UBE2E2: variants seen among roughly 807,000 people sequenced by gnomAD.
UBE2E2 encodes ubiquitin-conjugating enzyme E2 E2.
Under a neutral mutation model 24.7 loss-of-function variants are expected in UBE2E2, and 6 were observed. The ratio of observed to expected loss-of-function variants is 0.24; its 90% CI spans 0.13 to 0.48. The LOEUF (loss-of-function observed/expected upper bound fraction) is 0.48. Among genes scored for constraint, UBE2E2 ranks in the 20% least tolerant of loss-of-function variants. The pLI is 0.99. For synonymous variants in UBE2E2, 104 were observed against 83.6 expected (o/e 1.24, Z -1.33); for missense variants, 169 against 245.0 (o/e 0.69, Z 2.07).
chr3:23,362,420 C>T (rs1009026508), intron 3 of UBE2E2, among the ~76,000 whole-genome samples: 3 of 152,206 alleles, frequency 2.0e-5, no homozygotes, highest in Admixed American at 6.5e-5. Flanking sequence ...CAGACCAACA[C>T]TGGCACCATA....
At chr3:23,483,375 C>T (rs913036938) in intron 3 of UBE2E2, among the ~76,000 whole-genome samples, 2 of 152,186 alleles carry the variant, frequency 1.3e-5, no homozygotes, top group Non-Finnish European at 2.9e-5. Context: ...CTTTGCCAGA[C>T]ACTACATTTG....
chr3:23,414,931 A>G (rs1697586653), intron 3 of UBE2E2, among the ~76,000 whole-genome samples: 1 of 152,214 alleles, frequency 6.6e-6, no homozygotes, highest in Admixed American at 6.5e-5. Context: ...TCTGTTGTTT[A>G]TAAAGTACCC....
At chr3:23,428,853 G>A (rs1217911845) in intron 3 of UBE2E2, among the ~76,000 whole-genome samples, 1 of 148,252 alleles carries the variant, frequency 6.7e-6, no homozygotes, top group Non-Finnish European at 1.5e-5. Context: ...CTTGAGCCTG[G>A]GAAATGGAGG....
chr3:23,215,891 C>G (rs1015258276), intron 2 of UBE2E2, among the ~76,000 whole-genome samples: 2 of 152,088 alleles, frequency 1.3e-5, no homozygotes, highest in Non-Finnish European at 2.9e-5. Flanking sequence ...AATATCTTCT[C>G]CTATATCAAA....
At chr3:23,400,625 C>CACACACACAT (rs1697199873) in intron 3 of UBE2E2, among the ~76,000 whole-genome samples, 1 of 151,760 alleles carries the variant, frequency 6.6e-6, no homozygotes, top group South Asian at 2.1e-4. Context: ...CACACACACA[C>CACACACACAT]ACACACACAC....
chr3:23,318,267 T>G (rs1694638644), intron 3 of UBE2E2, among the ~76,000 whole-genome samples: 1 of 152,154 alleles, frequency 6.6e-6, no homozygotes. Flanking sequence ...CAGGCTCAAG[T>G]GATTCTTCCA....
intron 3 of UBE2E2, among the ~76,000 whole-genome samples, chr3:23,281,841 T>C (rs1038025312): frequency 7.9e-5 from 12 of 152,248 alleles, no homozygotes; most frequent in African/African-American, 2.9e-4. Flanking sequence ...ATTATTGTTA[T>C]TGAAGAGGAT....
At position 23,474,814 on chromosome 3, in the gene UBE2E2, A is replaced by T. The variant is rs950909000; in HGVS notation, c.228-24794A>T. ...TGGTTTAATCCTCCTTCCTGTTTGG[A>T]CATTTTGTATGCCCCGCCCTTCTTA... On this transcript the variant is annotated intron_variant, in intron 3 of 5. Transcript: ENST00000396703. The surrounding 1 kb of genome is among the most constrained non-coding windows in gnomAD (Gnocchi z 4.0). Among the ~76,000 whole-genome samples the T allele has an allele frequency of 1.3e-5, 2 of 151,954 alleles. No individual in the cohort carries two copies. The highest frequency in any genetic ancestry group is 4.8e-5 in the African/African-American group (2 of 41,274).
In UBE2E2 at chr3:23,332,674, GGTGTGTGTGT is replaced by G. The variant is rs3086989; in HGVS notation, c.227+115398_227+115407del. 4.1e-3 allele frequency among the ~76,000 whole-genome samples: 448 copies of G among 108,118 alleles called. 6 individuals carry two copies. The highest frequency in any genetic ancestry group is 0.017 in the East Asian group (74 of 4,266). 70.9% of individuals were successfully genotyped at this position (108,118 alleles called of 152,430 possible). ...CTTTGAGCTTCCTGGCAGCCAGTGG[GGTGTGTGTGT>G]GTGTGTGTGTGTGTGTGTGTGTGTG... is the stretch of plus-strand genomic sequence containing the variant. On this transcript the variant is annotated intron_variant, in intron 3 of 5. Transcript: ENST00000396703.
At chr3:23,411,092 AT>A (rs1156659655) in intron 3 of UBE2E2, among the ~76,000 whole-genome samples, 1 of 152,234 alleles carries the variant, frequency 6.6e-6, no homozygotes, top group Non-Finnish European at 1.5e-5. Context: ...AATATTTCAC[AT>A]CACAGAACAA....
Position 23,589,634 on chromosome 3 carries a change from G to A in UBE2E2, c.509-100G>A. ...AATGGTGGTCCAGGTTAGAACAGCA[G>A]CTTCTCATCTCCTACCCTCCCACTC... On this transcript the variant is annotated intron_variant, in intron 5 of 5. Coordinates refer to ENST00000396703, the MANE Select transcript of UBE2E2 (RefSeq NM_152653.4). The surrounding 1 kb of genome is among the most constrained non-coding windows in gnomAD (Gnocchi z 4.1). 1 of 1,223,056 alleles carries A rather than the reference G, an allele frequency of 8.2e-7. No individual in the cohort carries two copies. The highest frequency in any genetic ancestry group is 2.4e-5 in the East Asian group (1 of 41,690). 75.8% of individuals were successfully genotyped at this position (1,223,056 alleles called of 1,614,324 possible).
At chr3:23,403,067 T>A (rs1697270747) in intron 3 of UBE2E2, among the ~76,000 whole-genome samples, 2 of 152,178 alleles carry the variant, frequency 1.3e-5, no homozygotes, top group African/African-American at 4.8e-5. Context: ...ATATATTGGA[T>A]CTTGCTATGT....
rs541292783 is a variant in UBE2E2 at position 23,521,638 on chromosome 3, A to G, written c.361-10916A>G. Among the ~76,000 whole-genome samples, 34 of 152,326 alleles carry G rather than the reference A, an allele frequency of 2.2e-4. 1 individual carries two copies. Among genetic ancestry groups the G allele is most frequent in the Admixed American group, 6.5e-4 (10 of 15,300 alleles). On this transcript the variant is annotated intron_variant, in intron 4 of 5. Transcript: ENST00000396703. Reference sequence around the variant, plus strand: ...GATGCCTCTAGGACAAGCTCATCCAATCCGGGCCCAGGATGGCTTTGAATG... The same window carrying G: ...GATGCCTCTAGGACAAGCTCATCCAGTCCGGGCCCAGGATGGCTTTGAATG...
intron 3 of UBE2E2, among the ~76,000 whole-genome samples, chr3:23,365,676 T>G (rs968126740): frequency 2.0e-5 from 3 of 152,182 alleles, no homozygotes; most frequent in Non-Finnish European, 4.4e-5. Context: ...TTGTTTAAAA[T>G]GGCCATACCA....
chr3:23,526,411 A>T (rs1266911522), intron 4 of UBE2E2, among the ~76,000 whole-genome samples: 1 of 152,180 alleles, frequency 6.6e-6, no homozygotes, highest in Non-Finnish European at 1.5e-5. Flanking sequence ...TACCTAAAAA[A>T]CAATAAGAGG....
intron 3 of UBE2E2, among the ~76,000 whole-genome samples, chr3:23,470,324 C>G (rs12638508): frequency 0.13 from 20,335 of 152,158 alleles, 1,445 homozygotes; most frequent in Middle Eastern, 0.2. Flanking sequence ...GATCCTCCCC[C>G]CAATCCGGGG....
intron 5 of UBE2E2, among the ~76,000 whole-genome samples, chr3:23,556,453 T>TAAAAAAAAAAAAAAA (rs1321819270): frequency 1.4e-5 from 1 of 69,004 alleles, no homozygotes; most frequent in East Asian, 3.4e-4. Flanking sequence ...TAAAATTTAT[T>TAAAAAAAAAAAAAAA]TAAAAAAAAA....
intron 3 of UBE2E2, among the ~76,000 whole-genome samples, chr3:23,271,404 A>T (rs1698238251): frequency 6.6e-6 from 1 of 152,204 alleles, no homozygotes; most frequent in African/African-American, 2.4e-5. Flanking sequence ...AAGAATGAGC[A>T]GCAGCAAGAT....
intron 3 of UBE2E2, among the ~76,000 whole-genome samples, chr3:23,491,778 G>T (rs558491570): frequency 6.6e-6 from 1 of 152,300 alleles, no homozygotes; most frequent in South Asian, 2.1e-4. Context: ...TCTGGAAATT[G>T]CCCTAGCTGC....
Sources: allele counts gnomAD v4.1 joint callset (sites outside exome capture counted in the v4.1 genomes callset), GRCh38; gene constraint gnomAD v4.1.1; non-coding constraint Gnocchi (gnomAD v3.1); transcripts MANE v1.5; gene names NCBI Gene and HGNC (gene_info 2026-07-23, HGNC 2026-07-21).